The following PRLR variants were observed in gnomAD, a reference collection of about 807,000 sequenced individuals.
PRLR encodes hPRL receptor.
Under a neutral mutation model 40.2 loss-of-function variants are expected in PRLR, and 13 were observed. That is an observed-to-expected ratio of 0.32 (90% CI 0.21 to 0.51). PRLR has a LOEUF of 0.51. Among genes scored for constraint, PRLR ranks in the 20% least tolerant of loss-of-function variants. The pLI, the probability that PRLR is intolerant of heterozygous loss-of-function variation, is 0.97. For missense variants in PRLR, 656 were observed against 747.3 expected (o/e 0.88, Z 1.42); for synonymous variants, 269 against 278.7 (o/e 0.97, Z 0.35).
chr5:35,211,687 A>AT (rs984999534), intron 1 of PRLR, among the ~76,000 whole-genome samples: 6 of 152,298 alleles, frequency 3.9e-5, no homozygotes, highest in Admixed American at 1.3e-4. Flanking sequence ...AATAAGGGAA[A>AT]TTTTTTAAGA....
At chr5:35,196,777 T>C (rs1401168106) in intron 1 of PRLR, among the ~76,000 whole-genome samples, 1 of 152,238 alleles carries the variant, frequency 6.6e-6, no homozygotes, top group African/African-American at 2.4e-5. Context: ...CAGGCTGCTA[T>C]AATAAAGTGC....
At chr5:35,116,539 T>C (rs1773033742) in intron 2 of PRLR, among the ~76,000 whole-genome samples, 1 of 152,200 alleles carries the variant, frequency 6.6e-6, no homozygotes, top group Admixed American at 6.5e-5. Context: ...TACTGGGTGC[T>C]TTCTGACCTC....
intron 3 of PRLR, among the ~76,000 whole-genome samples, chr5:35,087,783 T>A (rs1227117187): frequency 1.3e-5 from 2 of 152,126 alleles, no homozygotes; most frequent in Admixed American, 6.5e-5. Flanking sequence ...GGATGTCAGG[T>A]TCAAAGAGGG....
In PRLR at chr5:35,187,887, T is replaced by C. The variant is rs12517356; in HGVS notation, c.-106+42381A>G. On this transcript the variant is annotated intron_variant, in intron 1 of 9. Coordinates refer to ENST00000618457, the MANE Select transcript of PRLR (RefSeq NM_000949.7). ...AGCCCCATTGCCTTGGACTTGGAGGTAAGGGAGTCCATGCTTCTGAGGTGA... is the reference window on the plus strand; with the variant it reads ...AGCCCCATTGCCTTGGACTTGGAGGCAAGGGAGTCCATGCTTCTGAGGTGA... Among the ~76,000 whole-genome samples the C allele has an allele frequency of 2.7e-3, 414 of 152,152 alleles. 13 individuals are homozygous for C. Among genetic ancestry groups the C allele is most frequent in the Admixed American group, 0.021 (324 of 15,288 alleles).
At chr5:35,177,775 G>A (rs1457265450) in intron 1 of PRLR, among the ~76,000 whole-genome samples, 1 of 152,178 alleles carries the variant, frequency 6.6e-6, no homozygotes, top group East Asian at 1.9e-4. Flanking sequence ...AAACATTCAT[G>A]TACAAGTATT....
chr5:35,113,422 C>CATCT (rs1360348108), intron 2 of PRLR, among the ~76,000 whole-genome samples: 1 of 146,394 alleles, frequency 6.8e-6, no homozygotes, highest in African/African-American at 2.5e-5. Flanking sequence ...TCCATCCATC[C>CATCT]ACCCATCCAT....
exon 9 of PRLR, chr5:35,049,372 T>G (rs1178515770): frequency 1.4e-6 from 1 of 702,936 alleles, no homozygotes. Context: ...AGATTTGAGA[T>G]TTTTGTAATG....
chr5:35,188,740 C>A (rs1422690996), intron 1 of PRLR, among the ~76,000 whole-genome samples: 1 of 152,210 alleles, frequency 6.6e-6, no homozygotes, highest in Non-Finnish European at 1.5e-5. Context: ...CTAATACAAA[C>A]CGGTGGAATC....
At chr5:35,187,810 CCT>C (rs1329886638) in intron 1 of PRLR, among the ~76,000 whole-genome samples, 2 of 152,134 alleles carry the variant, frequency 1.3e-5, no homozygotes, top group Non-Finnish European at 1.5e-5. Flanking sequence ...CAGGAGCCTC[CCT>C]GTTTACCCAG....
intron 1 of PRLR, among the ~76,000 whole-genome samples, chr5:35,135,934 G>A (rs1028063545): frequency 6.6e-6 from 1 of 152,208 alleles, no homozygotes; most frequent in Non-Finnish European, 1.5e-5. Flanking sequence ...CCGAATAGGG[G>A]AGAGCAGGAT....
At chr5:35,225,351 A>G (rs1307920831) in intron 1 of PRLR, among the ~76,000 whole-genome samples, 1 of 152,110 alleles carries the variant, frequency 6.6e-6, no homozygotes, top group Non-Finnish European at 1.5e-5. Flanking sequence ...AGGGTGGGGG[A>G]GAAGGAAGAG....
chr5:35,106,817 T>G (rs977846561), intron 2 of PRLR, among the ~76,000 whole-genome samples: 1 of 152,136 alleles, frequency 6.6e-6, no homozygotes, highest in Non-Finnish European at 1.5e-5. Flanking sequence ...GACAGATCGA[T>G]GACACAGAAA....
downstream of PRLR, among the ~76,000 whole-genome samples, chr5:35,053,578 G>A (rs1001045222): frequency 2.0e-5 from 3 of 152,142 alleles, no homozygotes; most frequent in South Asian, 2.1e-4. Context: ...ACTTAAACAC[G>A]GGAGGTGGAG....
At chr5:35,154,546 G>C (rs752444863) in intron 1 of PRLR, among the ~76,000 whole-genome samples, 4 of 152,130 alleles carry the variant, frequency 2.6e-5, no homozygotes, top group Non-Finnish European at 5.9e-5. Flanking sequence ...TGGTGGGAGT[G>C]TAAATTAGTT....
chr5:35,168,409 C>T (rs1224704667), intron 1 of PRLR, among the ~76,000 whole-genome samples: 1 of 151,636 alleles, frequency 6.6e-6, no homozygotes, highest in Non-Finnish European at 1.5e-5. Flanking sequence ...ATGTATGTTC[C>T]TTTTAAGTAC....
chr5:35,061,977 T>C lies in PRLR; in HGVS notation c.*3112A>G, dbSNP rs1769063831. Reference sequence around the variant, plus strand: ...TTAGTGCCTCATTCAATATGTCTCTTCTCAATCTCCTGCCTCTTTTTTTAA... The same window carrying C: ...TTAGTGCCTCATTCAATATGTCTCTCCTCAATCTCCTGCCTCTTTTTTTAA... On this transcript the variant is annotated 3_prime_UTR_variant, in exon 10 of 10. Coordinates refer to ENST00000618457, the MANE Select transcript of PRLR (RefSeq NM_000949.7). The C allele has an allele frequency of 6.6e-6, 1 of 152,210 alleles. No homozygotes were observed. Among genetic ancestry groups the C allele is most frequent in the Non-Finnish European group, 1.5e-5 (1 of 68,036 alleles). 9.4% of individuals were successfully genotyped at this position (152,210 alleles called of 1,614,324 possible). A position where few individuals can be genotyped will look rare whatever the true frequency, so the allele number is the denominator to read the frequency against.
chr5:35,171,912 CA>C (rs906327422), intron 1 of PRLR, among the ~76,000 whole-genome samples: 1 of 151,826 alleles, frequency 6.6e-6, no homozygotes, highest in African/African-American at 2.4e-5. Flanking sequence ...TTTTGTGATG[CA>C]AAAAAGTCTC....
Position 35,057,435 on chromosome 5 carries a change from G to A in PRLR, c.*7654C>T, listed in dbSNP as rs1237887714. 1 of 152,132 alleles carries A rather than the reference G, an allele frequency of 6.6e-6. No homozygotes were observed. Among genetic ancestry groups the A allele is most frequent in the African/African-American group, 2.4e-5 (1 of 41,438 alleles). 9.4% of individuals were successfully genotyped at this position (152,132 alleles called of 1,614,324 possible). On this transcript the variant is annotated 3_prime_UTR_variant, in exon 10 of 10. Transcript: ENST00000618457. ...AGGGAATTAAACATTTATTAAGCCA[G>A]GCACTGAGCTGGGTATTTTCAATAA... is the stretch of plus-strand genomic sequence containing the variant.
intron 5 of PRLR, among the ~76,000 whole-genome samples, chr5:35,077,532 A>G (rs1770191967): frequency 7.2e-6 from 1 of 139,832 alleles, no homozygotes; most frequent in Admixed American, 6.8e-5. Context: ...CACCCAATAC[A>G]GGAGCACCCA....
Sources: gnomAD v4.1 joint callset for allele counts (sites outside exome capture counted in the v4.1 genomes callset) on GRCh38, gnomAD v4.1.1 for gene constraint, MANE v1.5 for transcripts, NCBI Gene and HGNC (gene_info 2026-07-23, HGNC 2026-07-21) for gene names.